WDR89: variants seen among roughly 807,000 people sequenced by gnomAD.
The protein encoded by WDR89 is WD repeat-containing protein 89.
WDR89 carries 17 observed loss-of-function variants against 29.1 expected under a neutral mutation model. That is an observed-to-expected ratio of 0.58 (90% CI 0.40 to 0.88). The LOEUF is 0.88. WDR89 is among the 40% of genes least tolerant of loss of function. The pLI, the probability that WDR89 is intolerant of heterozygous loss-of-function variation, is 0.00. For synonymous variants in WDR89, 138 were observed against 157.8 expected, an observed-to-expected ratio of 0.87 and a Z score of 0.94; for missense variants, 396 against 456.3, an observed-to-expected ratio of 0.87 and a Z score of 1.20.
At chr14:63,617,077 C>CTTTTT (rs10602220) in intron 2 of WDR89, among the ~76,000 whole-genome samples, 1 of 104,116 alleles carries the variant, frequency 9.6e-6, no homozygotes, top group Non-Finnish European at 1.8e-5. Flanking sequence ...TAATTACAAG[C>CTTTTT]TTTTTTTTTT....
Position 63,598,659 on chromosome 14 carries a change from A to T in WDR89, c.*120T>A. ...TAAACCATTCTCACCATATTTTTCC[A>T]GGACTGTTTGCTAACTGGCTTGTTT... On this transcript the variant is annotated 3_prime_UTR_variant, in exon 3 of 3. Coordinates refer to ENST00000620954, the MANE Select transcript of WDR89 (RefSeq NM_080666.4). The T allele has an allele frequency of 1.1e-6, 1 of 884,834 alleles. No homozygotes were observed. Among genetic ancestry groups the T allele is most frequent in the Non-Finnish European group, 1.6e-6 (1 of 630,368 alleles). 54.8% of individuals were successfully genotyped at this position (884,834 alleles called of 1,614,324 possible).
chr14:63,602,633 G>A (rs936003801), intron 2 of WDR89, among the ~76,000 whole-genome samples: 3 of 150,788 alleles, frequency 2.0e-5, no homozygotes, highest in South Asian at 2.1e-4. Context: ...TTAGCCAGGC[G>A]TGGTGGCACA....
At chr14:63,609,506 T>C (rs1193379647) in intron 2 of WDR89, among the ~76,000 whole-genome samples, 5 of 152,186 alleles carry the variant, frequency 3.3e-5, no homozygotes, top group Non-Finnish European at 7.3e-5. Context: ...AAAGAGCATA[T>C]GGCCGGGCGT....
intron 2 of WDR89, among the ~76,000 whole-genome samples, chr14:63,616,866 G>C (rs372390449): frequency 6.6e-6 from 1 of 152,044 alleles, no homozygotes; most frequent in African/African-American, 2.4e-5. Context: ...TTAGTTTAGA[G>C]GTTTGTGCAA....
intron 2 of WDR89, among the ~76,000 whole-genome samples, chr14:63,618,356 T>C (rs1362023050): frequency 6.6e-6 from 1 of 152,134 alleles, no homozygotes; most frequent in African/African-American, 2.4e-5. Flanking sequence ...GGTTTTGCCA[T>C]GTTGCCCAGG....
intron 1 of WDR89, among the ~76,000 whole-genome samples, chr14:63,637,042 T>A (rs534187599): frequency 6.6e-6 from 1 of 151,682 alleles, no homozygotes; most frequent in African/African-American, 2.4e-5. Context: ...ATCCAGCATC[T>A]ACAACGAACT....
chr14:63,609,593 C>T (rs952415417), intron 2 of WDR89, among the ~76,000 whole-genome samples: 5 of 152,070 alleles, frequency 3.3e-5, no homozygotes, highest in African/African-American at 1.2e-4. Context: ...AGTTGGAGAC[C>T]AGCCTGGCCA....
intron 2 of WDR89, among the ~76,000 whole-genome samples, chr14:63,611,929 T>C (rs1882016684): frequency 6.6e-6 from 1 of 152,054 alleles, no homozygotes; most frequent in African/African-American, 2.4e-5. Flanking sequence ...GGTTTCACCA[T>C]GTTGCCCAGG....
At chr14:63,634,513 C>T (rs1417525175) in intron 1 of WDR89, among the ~76,000 whole-genome samples, 1 of 147,510 alleles carries the variant, frequency 6.8e-6, no homozygotes, top group African/African-American at 2.6e-5. Flanking sequence ...CAGAGCGAGA[C>T]TCCCTCTCAA....
chr14:63,612,863 T>A (rs1882076545), intron 2 of WDR89, among the ~76,000 whole-genome samples: 1 of 151,978 alleles, frequency 6.6e-6, no homozygotes, highest in Non-Finnish European at 1.5e-5. Flanking sequence ...CCAGGCTCAG[T>A]TTGGGAAATG....
At chr14:63,641,112 A>AG (rs1566804639) in intron 1 of WDR89, among the ~76,000 whole-genome samples, 2 of 148,576 alleles carry the variant, frequency 1.3e-5, no homozygotes, top group African/African-American at 5.0e-5. Context: ...AAAAAAAAAA[A>AG]AAAGAAAAAG....
At chr14:63,610,936 G>C (rs1881945901) in intron 2 of WDR89, among the ~76,000 whole-genome samples, 2 of 151,792 alleles carry the variant, frequency 1.3e-5, no homozygotes, top group African/African-American at 4.8e-5. Context: ...TCCTGACCTT[G>C]TAATTCGCCC....
intron 1 of WDR89, among the ~76,000 whole-genome samples, chr14:63,628,131 G>C (rs1293778434): frequency 1.3e-5 from 2 of 152,114 alleles, no homozygotes; most frequent in Non-Finnish European, 2.9e-5. Flanking sequence ...CAGCTACTTG[G>C]GGGAGCTGAA....
At chr14:63,607,365 A>G (rs1027282109) in intron 2 of WDR89, among the ~76,000 whole-genome samples, 5 of 151,966 alleles carry the variant, frequency 3.3e-5, no homozygotes, top group South Asian at 2.1e-4. Flanking sequence ...GGGTTTCACC[A>G]TATTAGCCAG....
intron 2 of WDR89, among the ~76,000 whole-genome samples, chr14:63,621,567 C>T (rs1293040736): frequency 6.6e-6 from 1 of 152,054 alleles, no homozygotes; most frequent in Non-Finnish European, 1.5e-5. Flanking sequence ...GATTGCACTG[C>T]AGCCTGAGTG....
chr14:63,622,835 G>A (rs939972433), intron 2 of WDR89, among the ~76,000 whole-genome samples: 3 of 152,088 alleles, frequency 2.0e-5, no homozygotes, highest in East Asian at 1.9e-4. Flanking sequence ...GGAAGTGGAA[G>A]GATAATGTTG....
chr14:63,639,695 C>A (rs1883974532), intron 1 of WDR89, among the ~76,000 whole-genome samples: 1 of 152,158 alleles, frequency 6.6e-6, no homozygotes, highest in Non-Finnish European at 1.5e-5. Flanking sequence ...ACATGGAAAT[C>A]ACTGAAAATG....
At chr14:63,608,074 T>C (rs540056592) in intron 2 of WDR89, among the ~76,000 whole-genome samples, 3 of 148,416 alleles carry the variant, frequency 2.0e-5, no homozygotes, top group African/African-American at 5.0e-5. Flanking sequence ...GGTGTGGTGG[T>C]GCATGCCTGT....
intron 2 of WDR89, among the ~76,000 whole-genome samples, chr14:63,604,669 A>C (rs1447095352): frequency 6.6e-6 from 1 of 152,208 alleles, no homozygotes; most frequent in Non-Finnish European, 1.5e-5. Flanking sequence ...CTTTTCACTC[A>C]ATATAATTTT....
Sources: gnomAD v4.1 joint callset for allele counts (sites outside exome capture counted in the v4.1 genomes callset) on GRCh38, gnomAD v4.1.1 for gene constraint, MANE v1.5 for transcripts, NCBI Gene and HGNC (gene_info 2026-07-23, HGNC 2026-07-21) for gene names.